The following ANKS1B variants were observed in gnomAD, a reference collection of about 807,000 sequenced individuals.
The protein encoded by ANKS1B is ankyrin repeat and sterile alpha motif domain-containing protein 1B.
Under a neutral mutation model 148.3 loss-of-function variants are expected in ANKS1B, and 36 were observed. The observed-to-expected ratio is 0.24, with a 90% CI of 0.19 to 0.32. The LOEUF (loss-of-function observed/expected upper bound fraction) is 0.32, where lower values mean the gene tolerates loss of function less well. Ranked by LOEUF, ANKS1B falls within the 10% of genes least tolerant of loss-of-function variation. The pLI is 1.00. For synonymous variants in ANKS1B, 542 were observed against 560.8 expected, an observed-to-expected ratio of 0.97 and a Z score of 0.47; for missense variants, 1,157 against 1,542.6, an observed-to-expected ratio of 0.75 and a Z score of 4.19.
At chr12:98,938,292 A>G (rs920612935) in intron 17 of ANKS1B, among the ~76,000 whole-genome samples, 5 of 152,192 alleles carry the variant, frequency 3.3e-5, no homozygotes, top group African/African-American at 4.8e-5. Flanking sequence ...GTTTCAGTGG[A>G]ATATCTTTAT....
intron 11 of ANKS1B, among the ~76,000 whole-genome samples, chr12:99,429,340 C>T (rs1302417594): frequency 6.6e-6 from 1 of 152,180 alleles, no homozygotes; most frequent in Non-Finnish European, 1.5e-5. Context: ...GACAAAGATA[C>T]ATACCCTGAA....
chr12:99,881,450 C>T (rs2092480271), intron 1 of ANKS1B, among the ~76,000 whole-genome samples: 1 of 152,144 alleles, frequency 6.6e-6, no homozygotes, highest in African/African-American at 2.4e-5. Context: ...TGTTTACCTA[C>T]CTCTTGAACC....
intron 16 of ANKS1B, among the ~76,000 whole-genome samples, chr12:99,067,736 C>T (rs956989246): frequency 4.6e-5 from 7 of 152,186 alleles, no homozygotes; most frequent in East Asian, 1.9e-4. Context: ...TCCTGAAAAC[C>T]CCTTTTATAT....
At chr12:99,562,472 T>C (rs1462274151) in intron 9 of ANKS1B, among the ~76,000 whole-genome samples, 5 of 152,222 alleles carry the variant, frequency 3.3e-5, no homozygotes, top group Admixed American at 1.3e-4. Context: ...TGAAAATCTG[T>C]TGTTAATGTG....
intron 17 of ANKS1B, among the ~76,000 whole-genome samples, chr12:98,850,703 G>A (rs1025170561): frequency 1.3e-5 from 2 of 151,298 alleles, no homozygotes; most frequent in African/African-American, 4.9e-5. Flanking sequence ...TCCTGACCTC[G>A]TGATCCGCCC....
chr12:99,295,723 C>T (rs2080780279), intron 12 of ANKS1B, among the ~76,000 whole-genome samples: 1 of 152,130 alleles, frequency 6.6e-6, no homozygotes, highest in Non-Finnish European at 1.5e-5. Context: ...AAGCCTGGTA[C>T]ACATTAGTTA....
At chr12:98,856,123 T>C (rs1259519626) in intron 17 of ANKS1B, among the ~76,000 whole-genome samples, 2 of 152,216 alleles carry the variant, frequency 1.3e-5, no homozygotes, top group African/African-American at 4.8e-5. Flanking sequence ...CAGCAAACAA[T>C]ATCTTTCTGT....
intron 9 of ANKS1B, among the ~76,000 whole-genome samples, chr12:99,581,784 G>A (rs1443812344): frequency 1.3e-5 from 2 of 151,744 alleles, no homozygotes; most frequent in East Asian, 2.0e-4. Flanking sequence ...CCAGCTACTC[G>A]GGAGGCTGAG....
At chr12:99,680,361 A>G (rs1477039188) in intron 8 of ANKS1B, among the ~76,000 whole-genome samples, 5 of 152,102 alleles carry the variant, frequency 3.3e-5, no homozygotes, top group African/African-American at 1.2e-4. Context: ...GGATCACCTG[A>G]GCCCAGGAGG....
intron 15 of ANKS1B, among the ~76,000 whole-genome samples, chr12:99,086,818 C>T (rs932637010): frequency 3.9e-5 from 6 of 152,058 alleles, no homozygotes; most frequent in African/African-American, 1.2e-4. Context: ...CAAACTCTGT[C>T]CTACTTATGT....
At chr12:99,935,761 A>C (rs955667668) in intron 1 of ANKS1B, among the ~76,000 whole-genome samples, 1 of 152,186 alleles carries the variant, frequency 6.6e-6, no homozygotes, top group Non-Finnish European at 1.5e-5. Context: ...GCCCACCCAG[A>C]TAATGGCCCT....
chr12:99,277,284 A>G (rs1173329941), intron 12 of ANKS1B, among the ~76,000 whole-genome samples: 1 of 152,200 alleles, frequency 6.6e-6, no homozygotes, highest in African/African-American at 2.4e-5. Flanking sequence ...GTACCCAATG[A>G]AAGGAAGATC....
intron 22 of ANKS1B, among the ~76,000 whole-genome samples, chr12:98,796,379 G>A (rs1298004553): frequency 6.6e-6 from 1 of 152,164 alleles, no homozygotes; most frequent in Non-Finnish European, 1.5e-5. Context: ...TAGACCGTCT[G>A]TGTCCTAAAG....
At chr12:99,424,102 C>A (rs1261903152) in intron 11 of ANKS1B, among the ~76,000 whole-genome samples, 1 of 152,132 alleles carries the variant, frequency 6.6e-6, no homozygotes, top group Non-Finnish European at 1.5e-5. Context: ...TACTCTTGCA[C>A]ATATACATAT....
intron 17 of ANKS1B, among the ~76,000 whole-genome samples, chr12:99,033,995 C>A (rs1408255324): frequency 6.6e-6 from 1 of 152,148 alleles, no homozygotes; most frequent in Non-Finnish European, 1.5e-5. Context: ...TTGGGAAGAC[C>A]CTTGGGTGTT....
At chr12:99,611,151 A>G (rs1307472699) in intron 9 of ANKS1B, among the ~76,000 whole-genome samples, 1 of 152,152 alleles carries the variant, frequency 6.6e-6, no homozygotes, top group Non-Finnish European at 1.5e-5. Flanking sequence ...GCCTAATAAT[A>G]GTCTAGAAAT....
chr12:99,865,116 A>G (rs1238669675), intron 1 of ANKS1B, among the ~76,000 whole-genome samples: 1 of 152,256 alleles, frequency 6.6e-6, no homozygotes, highest in Admixed American at 6.5e-5. Context: ...CATGCAAATA[A>G]TATACTTTCC....
chr12:99,056,324 T>C (rs1378098042), intron 16 of ANKS1B, among the ~76,000 whole-genome samples: 1 of 152,236 alleles, frequency 6.6e-6, no homozygotes, highest in Non-Finnish European at 1.5e-5. Flanking sequence ...TTGACACATA[T>C]TTAATGATAT....
intron 17 of ANKS1B, among the ~76,000 whole-genome samples, chr12:99,041,730 T>C (rs2099959129): frequency 6.6e-6 from 1 of 152,124 alleles, no homozygotes; most frequent in Non-Finnish European, 1.5e-5. Context: ...GCCAGGCACA[T>C]TGACTCATGC....
Sources: gnomAD v4.1 joint callset for allele counts (sites outside exome capture counted in the v4.1 genomes callset) on GRCh38, gnomAD v4.1.1 for gene constraint, MANE v1.5 for transcripts, NCBI Gene and HGNC (gene_info 2026-07-23, HGNC 2026-07-21) for gene names.